Variants in CNBD1 observed in about 807,000 individuals in gnomAD.
CNBD1 encodes the protein cyclic nucleotide-binding domain-containing protein 1.
In CNBD1, 71 loss-of-function variants were observed where a neutral mutation model predicts 54.4. That is an observed-to-expected ratio of 1.30 (90% CI 1.08 to 1.59). The LOEUF (loss-of-function observed/expected upper bound fraction) is 1.59. CNBD1 is among the 40% of genes most tolerant of loss of function. The probability of loss-of-function intolerance (pLI) is 0.00; values close to 1 mark genes in which losing one functional copy is unlikely to be tolerated. For missense variants in CNBD1, 659 were observed against 518.0 expected (o/e 1.27, Z -2.64); for synonymous variants, 182 against 170.7 (o/e 1.07, Z -0.51).
intron 1 of CNBD1, among the ~76,000 whole-genome samples, chr8:86,869,424 T>G (rs1340551193): frequency 6.6e-6 from 1 of 152,182 alleles, no homozygotes; most frequent in African/African-American, 2.4e-5. Context: ...TTTGGCTACT[T>G]AAATGCTATT....
In CNBD1 at chr8:87,339,489, C is replaced by A. The variant is rs1031293558; in HGVS notation, c.1043-12196C>A. Among the ~76,000 whole-genome samples the A allele has an allele frequency of 2.6e-4, 39 of 151,388 alleles. 1 individual carries two copies. Among genetic ancestry groups the A allele is most frequent in the African/African-American group, 9.1e-4 (37 of 40,818 alleles). ...CTGGGGCAGTGGTTTTCTCTGTGAC[C>A]TCACTTTTTTTAAGGATGTATGAAG... On this transcript the variant is annotated intron_variant, in intron 8 of 10. Transcript: ENST00000518476.
intron 4 of CNBD1, among the ~76,000 whole-genome samples, chr8:86,943,365 C>CAAAAAAAAAAAAAAA (rs1158061860): frequency 3.1e-5 from 1 of 32,578 alleles, no homozygotes; most frequent in Non-Finnish European, 6.0e-5. Context: ...GACTCCATCT[C>CAAAAAAAAAAAAAAA]AAAAAAAAAA....
intron 5 of CNBD1, among the ~76,000 whole-genome samples, chr8:87,228,830 C>G (rs1367315521): frequency 6.6e-6 from 1 of 152,186 alleles, no homozygotes; most frequent in African/African-American, 2.4e-5. Context: ...GCGGGCGCCC[C>G]TCCTCCAGCC....
intron 3 of CNBD1, among the ~76,000 whole-genome samples, chr8:86,938,426 C>T (rs1416799829): frequency 1.3e-5 from 2 of 152,040 alleles, no homozygotes; most frequent in Non-Finnish European, 1.5e-5. Context: ...TCTTACACTG[C>T]TAATAAAGAC....
intron 8 of CNBD1, among the ~76,000 whole-genome samples, chr8:87,350,897 G>A (rs1025958676): frequency 3.9e-5 from 6 of 152,088 alleles, no homozygotes; most frequent in Non-Finnish European, 2.9e-5. Flanking sequence ...TACGTTGATA[G>A]TTACAAAGTT....
At chr8:86,960,762 C>G (rs2130469132) in intron 4 of CNBD1, among the ~76,000 whole-genome samples, 1 of 152,260 alleles carries the variant, frequency 6.6e-6, no homozygotes, top group South Asian at 2.1e-4. Context: ...CCTCATACAG[C>G]TGGATGCCCC....
At chr8:86,940,445 T>C (rs1272052624) in intron 4 of CNBD1, among the ~76,000 whole-genome samples, 2 of 152,014 alleles carry the variant, frequency 1.3e-5, no homozygotes, top group Non-Finnish European at 2.9e-5. Flanking sequence ...GGATTACAGG[T>C]GTGAGCTTCC....
chr8:86,909,367 T>A (rs1005162723), intron 3 of CNBD1, among the ~76,000 whole-genome samples: 1 of 152,234 alleles, frequency 6.6e-6, no homozygotes, highest in African/African-American at 2.4e-5. Flanking sequence ...TAACTTTTGA[T>A]ATTTTCATTT....
chr8:87,088,053 A>C (rs1811137139), intron 4 of CNBD1, among the ~76,000 whole-genome samples: 1 of 152,228 alleles, frequency 6.6e-6, no homozygotes, highest in Non-Finnish European at 1.5e-5. Flanking sequence ...GCCTTACTGC[A>C]GTAATACATT....
chr8:86,870,762 A>G (rs1261342479), intron 1 of CNBD1, among the ~76,000 whole-genome samples: 5 of 152,160 alleles, frequency 3.3e-5, no homozygotes, highest in African/African-American at 9.7e-5. Flanking sequence ...AGTGACGAAG[A>G]AAAACAGGGA....
At chr8:87,415,250 A>G (rs556949415) in intron 2 of CNBD1, among the ~76,000 whole-genome samples, 1 of 152,138 alleles carries the variant, frequency 6.6e-6, no homozygotes, top group Admixed American at 6.6e-5. Flanking sequence ...AATTACTGGT[A>G]CTCATACTCA....
chr8:87,282,852 T>C (rs1178774324), intron 6 of CNBD1, among the ~76,000 whole-genome samples: 2 of 152,002 alleles, frequency 1.3e-5, no homozygotes, highest in African/African-American at 2.4e-5. Flanking sequence ...AGATCGTAAA[T>C]AGGAGATCTA....
intron 2 of CNBD1, among the ~76,000 whole-genome samples, chr8:87,423,980 G>C (rs200782108): frequency 0.076 from 11,593 of 151,932 alleles, 510 homozygotes; most frequent in South Asian, 0.096. Flanking sequence ...TTCAGAGATT[G>C]AACTTCTTCC....
intron 8 of CNBD1, among the ~76,000 whole-genome samples, chr8:87,347,095 G>C (rs112710025): frequency 0.017 from 2,652 of 152,148 alleles, 76 homozygotes; most frequent in African/African-American, 0.058. Context: ...TCTTTCACAC[G>C]TACTTTGCTA....
chr8:87,201,806 G>C (rs1464458802), intron 4 of CNBD1, among the ~76,000 whole-genome samples: 1 of 152,122 alleles, frequency 6.6e-6, no homozygotes, highest in Non-Finnish European at 1.5e-5. Flanking sequence ...CTGTCGCCCA[G>C]GCTGGAGTGC....
At chr8:87,038,231 TAATC>T (rs1438731573) in intron 4 of CNBD1, among the ~76,000 whole-genome samples, 1 of 152,166 alleles carries the variant, frequency 6.6e-6, no homozygotes, top group African/African-American at 2.4e-5. Context: ...AGGCTCAAGT[TAATC>T]AATATCTTTT....
rs113442098 is a variant in CNBD1 at position 87,020,431 on chromosome 8, A to G, written c.431+80677A>G. On this transcript the variant is annotated intron_variant, in intron 4 of 10. Coordinates refer to ENST00000518476, the MANE Select transcript of CNBD1 (RefSeq NM_173538.3). ...AAACACCCCTAGGAATAAGCCTCCT[A>G]GTGCTGTGGGAACCGATGCTGTTTA... Among the ~76,000 whole-genome samples the G allele has an allele frequency of 6.6e-3, 1,000 of 152,230 alleles. 22 individuals are homozygous for G. Among genetic ancestry groups the G allele is most frequent in the African/African-American group, 0.023 (937 of 41,544 alleles).
intron 2 of CNBD1, among the ~76,000 whole-genome samples, chr8:87,396,445 C>T (rs1811409596): frequency 6.6e-6 from 1 of 151,890 alleles, no homozygotes; most frequent in Non-Finnish European, 1.5e-5. Context: ...GTGCCTTAAA[C>T]ATGTGTTATT....
Position 87,347,195 on chromosome 8 carries a change from T to C in CNBD1, c.1043-4490T>C, listed in dbSNP as rs1471189215. On this transcript the variant is annotated intron_variant, in intron 8 of 10. Coordinates refer to ENST00000518476, the MANE Select transcript of CNBD1 (RefSeq NM_173538.3). ...GTTTTTTGATAAATTCTGTTGCTGT[T>C]CTGCCACCTCATATAGTTTTAAATA... Among the ~76,000 whole-genome samples the C allele has an allele frequency of 2.6e-5, 4 of 152,232 alleles. No homozygotes were observed. In the East Asian group the frequency reaches 7.7e-4, roughly 29 times the overall value.
Sources: gnomAD v4.1 joint callset for allele counts (sites outside exome capture counted in the v4.1 genomes callset) on GRCh38, gnomAD v4.1.1 for gene constraint, MANE v1.5 for transcripts, NCBI Gene and HGNC (gene_info 2026-07-23, HGNC 2026-07-21) for gene names.